Variants in CNTN5 observed in about 807,000 individuals in gnomAD.
CNTN5 encodes the protein contactin 5.
CNTN5 carries 77 observed loss-of-function variants against 129.1 expected under a neutral mutation model. That is an observed-to-expected ratio of 0.60 (90% CI 0.50 to 0.72). The LOEUF (loss-of-function observed/expected upper bound fraction) is 0.72, where lower values mean the gene tolerates loss of function less well. Ranked by LOEUF, CNTN5 falls within the 30% of genes least tolerant of loss-of-function variation. The pLI, the probability that CNTN5 is intolerant of heterozygous loss-of-function variation, is 0.00. For missense variants in CNTN5, 1,478 were observed against 1,328.8 expected, an observed-to-expected ratio of 1.11 and a Z score of -1.75; for synonymous variants, 509 against 465.6, an observed-to-expected ratio of 1.09 and a Z score of -1.20.
chr11:99,528,471 A>G (rs1349669236), intron 2 of CNTN5, among the ~76,000 whole-genome samples: 1 of 152,230 alleles, frequency 6.6e-6, no homozygotes, highest in Non-Finnish European at 1.5e-5. Context: ...CTGAAATACC[A>G]TGGCAGACAA....
intron 2 of CNTN5, among the ~76,000 whole-genome samples, chr11:99,325,974 C>T (rs976417239): frequency 1.3e-5 from 2 of 152,122 alleles, no homozygotes; most frequent in African/African-American, 4.8e-5. Flanking sequence ...TCATCCCCAC[C>T]AGGGAACGGG....
At chr11:99,251,476 C>A (rs997323307) in intron 1 of CNTN5, among the ~76,000 whole-genome samples, 1 of 150,032 alleles carries the variant, frequency 6.7e-6, no homozygotes, top group Non-Finnish European at 1.5e-5. Flanking sequence ...TCTTCCATAT[C>A]TTTTTTTTTA....
chr11:99,628,339 A>G (rs1951205266), intron 3 of CNTN5, among the ~76,000 whole-genome samples: 1 of 152,040 alleles, frequency 6.6e-6, no homozygotes, highest in South Asian at 2.1e-4. Flanking sequence ...ACAACTCTAG[A>G]TTGAAACACC....
At chr11:99,455,399 G>T (rs1233258036) in intron 2 of CNTN5, among the ~76,000 whole-genome samples, 1 of 151,280 alleles carries the variant, frequency 6.6e-6, no homozygotes, top group Admixed American at 6.6e-5. Flanking sequence ...AGAGAAGAAT[G>T]TATGAGTGAT....
rs576680612 is a variant in CNTN5 at position 99,311,681 on chromosome 11, C to G, written c.-209-13665C>G. Among the ~76,000 whole-genome samples, 7 of 152,080 alleles carry G rather than the reference C, an allele frequency of 4.6e-5. No homozygotes were observed. The East Asian group carries it at 1.4e-3, about 29-fold the overall frequency. On this transcript the variant is annotated intron_variant, in intron 1 of 24. Coordinates refer to ENST00000524871, the MANE Select transcript of CNTN5 (RefSeq NM_014361.4). Reference sequence around the variant, plus strand: ...TTTTCAAGTGGTTCTTGAAATAAGCCTTTTTAAAAAGTCGAACTCTTTAAA... The same window carrying G: ...TTTTCAAGTGGTTCTTGAAATAAGCGTTTTTAAAAAGTCGAACTCTTTAAA...
intron 3 of CNTN5, among the ~76,000 whole-genome samples, chr11:99,577,362 T>G (rs1344307536): frequency 6.6e-6 from 1 of 152,156 alleles, no homozygotes; most frequent in Non-Finnish European, 1.5e-5. Context: ...AATGGGCTCT[T>G]CACATTTAGG....
At chr11:99,385,725 A>C (rs964559113) in intron 2 of CNTN5, among the ~76,000 whole-genome samples, 1 of 152,168 alleles carries the variant, frequency 6.6e-6, no homozygotes, top group African/African-American at 2.4e-5. Context: ...GGCTCATATA[A>C]CTGGAAGATC....
chr11:99,053,755 C>T (rs1418979942), intron 1 of CNTN5, among the ~76,000 whole-genome samples: 1 of 151,894 alleles, frequency 6.6e-6, no homozygotes, highest in Non-Finnish European at 1.5e-5. Context: ...AGAAGCCTAA[C>T]AAGATAAAAC....
chr11:99,528,457 T>C (rs1947571584), intron 2 of CNTN5, among the ~76,000 whole-genome samples: 1 of 152,048 alleles, frequency 6.6e-6, no homozygotes, highest in South Asian at 2.1e-4. Context: ...ATAACTGGAG[T>C]CATCTGAAAT....
chr11:100,165,536 T>G (rs566427858), intron 13 of CNTN5, among the ~76,000 whole-genome samples: 1 of 151,966 alleles, frequency 6.6e-6, no homozygotes, highest in African/African-American at 2.4e-5. Context: ...GGAAGTATTT[T>G]TAGGTTTCTT....
chr11:99,030,785 T>C (rs2135087660), intron 1 of CNTN5, among the ~76,000 whole-genome samples: 1 of 147,166 alleles, frequency 6.8e-6, no homozygotes, highest in East Asian at 2.0e-4. Flanking sequence ...ACTCTCTTTT[T>C]TTTTTTTTTT....
intron 13 of CNTN5, among the ~76,000 whole-genome samples, chr11:100,103,104 C>T (rs950522666): frequency 6.6e-5 from 10 of 152,194 alleles, no homozygotes; most frequent in Non-Finnish European, 2.9e-5. Context: ...TTGCCTTCAA[C>T]TCATTCTGCA....
At chr11:99,744,527 C>G (rs374685001) in intron 3 of CNTN5, among the ~76,000 whole-genome samples, 1 of 117,800 alleles carries the variant, frequency 8.5e-6, no homozygotes, top group Non-Finnish European at 1.8e-5. Context: ...AGCAAAACCC[C>G]GTCTCTACAA....
chr11:99,856,019 TTCCCATTTTAAAA>T (rs1402008468), intron 6 of CNTN5, among the ~76,000 whole-genome samples: 2 of 152,206 alleles, frequency 1.3e-5, no homozygotes, highest in Non-Finnish European at 2.9e-5. Context: ...ACTGATAATT[TTCCCATTTTAAAA>T]AATGCAGAGA....
intron 21 of CNTN5, among the ~76,000 whole-genome samples, chr11:100,326,648 T>C (rs961366601): frequency 6.6e-6 from 1 of 152,192 alleles, no homozygotes; most frequent in Non-Finnish European, 1.5e-5. Flanking sequence ...GTAAGACAAA[T>C]TATTGAGTGC....
At chr11:99,308,729 C>T (rs188428084) in intron 1 of CNTN5, among the ~76,000 whole-genome samples, 119 of 152,130 alleles carry the variant, frequency 7.8e-4, no homozygotes, top group Non-Finnish European at 1.5e-3. Context: ...TCAATAATGT[C>T]CCAGTCAATA....
At chr11:99,934,943 TATATAC>T (rs1265506144) in intron 7 of CNTN5, among the ~76,000 whole-genome samples, 2,658 of 80,156 alleles carry the variant, frequency 0.033, 52 homozygotes, top group East Asian at 0.081. Context: ...TATATATATA[TATATAC>T]ACACACATAT....
chr11:100,178,097 T>C (rs919685042), intron 13 of CNTN5, among the ~76,000 whole-genome samples: 6 of 152,118 alleles, frequency 3.9e-5, no homozygotes, highest in Non-Finnish European at 7.4e-5. Flanking sequence ...CCTTTATCAA[T>C]GCACTGTAGC....
chr11:99,450,637 G>C (rs1944263114), intron 2 of CNTN5, among the ~76,000 whole-genome samples: 7 of 152,064 alleles, frequency 4.6e-5, no homozygotes, highest in Admixed American at 4.6e-4. Context: ...ACTAAACCCA[G>C]TCCAGACCTT....
Sources: allele counts gnomAD v4.1 joint callset (sites outside exome capture counted in the v4.1 genomes callset), GRCh38; gene constraint gnomAD v4.1.1; transcripts MANE v1.5; gene names NCBI Gene and HGNC (gene_info 2026-07-23, HGNC 2026-07-21).